CDK14: variants seen among roughly 807,000 people sequenced by gnomAD.
The protein encoded by CDK14 is cyclin dependent kinase 14.
In CDK14, 34 loss-of-function variants were observed where a neutral mutation model predicts 60.7. That is an observed-to-expected ratio of 0.56 (90% CI 0.43 to 0.75). The LOEUF is 0.75. Ranked by LOEUF, CDK14 falls within the 30% of genes least tolerant of loss-of-function variation. The pLI is 0.00. For synonymous variants in CDK14, 197 were observed against 203.7 expected (o/e 0.97, Z 0.28); for missense variants, 482 against 564.1 (o/e 0.85, Z 1.47).
At chr7:91,079,776 G>T (rs1311862848) in intron 12 of CDK14, among the ~76,000 whole-genome samples, 1 of 152,144 alleles carries the variant, frequency 6.6e-6, no homozygotes, top group Non-Finnish European at 1.5e-5. Context: ...TTTTGTATCA[G>T]CAACATAGCA....
intron 8 of CDK14, among the ~76,000 whole-genome samples, chr7:90,923,219 C>G (rs1053671497): frequency 4.6e-5 from 7 of 151,258 alleles, no homozygotes; most frequent in African/African-American, 1.7e-4. Context: ...ACGCCATTCT[C>G]CTGCCTCAGC....
chr7:90,787,348 T>G (rs1805638392), intron 4 of CDK14, among the ~76,000 whole-genome samples: 1 of 148,312 alleles, frequency 6.7e-6, no homozygotes, highest in Non-Finnish European at 1.5e-5. Context: ...ATATAAAAAC[T>G]TAAAGGAAAT....
chr7:90,831,241 G>C (rs750349828), intron 5 of CDK14, among the ~76,000 whole-genome samples: 2 of 152,162 alleles, frequency 1.3e-5, no homozygotes, highest in Admixed American at 1.3e-4. Context: ...GTTCAGCAAG[G>C]GTGGGGAGGC....
intron 5 of CDK14, among the ~76,000 whole-genome samples, chr7:90,799,196 G>A (rs1440537904): frequency 6.6e-6 from 1 of 152,046 alleles, no homozygotes; most frequent in East Asian, 1.9e-4. Context: ...ACTCTAATAG[G>A]GAACAAATTT....
Position 90,689,564 on chromosome 7 carries a change from A to G in CDK14, c.124-37003A>G, listed in dbSNP as rs181853226. Among the ~76,000 whole-genome samples the G allele has an allele frequency of 2.7e-3, 418 of 152,310 alleles. 1 individual carries two copies. Among genetic ancestry groups the G allele is most frequent in the Non-Finnish European group, 4.0e-3 (275 of 68,018 alleles). Reference sequence around the variant, plus strand: ...CTTTGAGGAGAAAAAGACCGAAGGCATTTTTACAATTAGATCTTCTCATAC... The same window carrying G: ...CTTTGAGGAGAAAAAGACCGAAGGCGTTTTTACAATTAGATCTTCTCATAC... On this transcript the variant is annotated intron_variant, in intron 2 of 14. Transcript: ENST00000380050.
intron 11 of CDK14, among the ~76,000 whole-genome samples, chr7:91,075,654 A>G (rs148372214): frequency 1.5e-4 from 23 of 152,318 alleles, no homozygotes; most frequent in African/African-American, 5.1e-4. Flanking sequence ...AGGATATTCA[A>G]ATAGGAAGAG....
chr7:90,763,194 AAT>A (rs1227628458), intron 4 of CDK14, among the ~76,000 whole-genome samples: 1 of 152,202 alleles, frequency 6.6e-6, no homozygotes, highest in Non-Finnish European at 1.5e-5. Flanking sequence ...GAAATGGACA[AAT>A]CCACTATGGT....
chr7:90,764,729 A>G (rs988824173), intron 4 of CDK14, among the ~76,000 whole-genome samples: 8 of 152,202 alleles, frequency 5.3e-5, no homozygotes, highest in Non-Finnish European at 1.0e-4. Flanking sequence ...GTTCTGAGGA[A>G]ACAGACATAA....
At chr7:90,939,490 A>G (rs1049080358) in intron 8 of CDK14, among the ~76,000 whole-genome samples, 6 of 152,224 alleles carry the variant, frequency 3.9e-5, no homozygotes, top group Admixed American at 3.9e-4. Flanking sequence ...CGGGTTGCGG[A>G]CAGTAAGTTC....
chr7:90,854,429 G>A (rs535837231), intron 5 of CDK14, among the ~76,000 whole-genome samples: 57 of 152,264 alleles, frequency 3.7e-4, no homozygotes, highest in African/African-American at 1.3e-3. Context: ...TGTGGTCCCA[G>A]CTGCTCAGGA....
intron 5 of CDK14, among the ~76,000 whole-genome samples, chr7:90,861,386 T>C (rs928403275): frequency 1.3e-5 from 2 of 152,150 alleles, no homozygotes; most frequent in Non-Finnish European, 2.9e-5. Context: ...GCAACAAGCC[T>C]GTGATAGCAA....
intron 5 of CDK14, among the ~76,000 whole-genome samples, chr7:90,824,208 C>G (rs1334527983): frequency 6.6e-6 from 1 of 152,086 alleles, no homozygotes; most frequent in African/African-American, 2.4e-5. Flanking sequence ...ACTTGACTTC[C>G]TGCTTTACAT....
intron 14 of CDK14, among the ~76,000 whole-genome samples, chr7:91,177,780 A>G (rs1336057835): frequency 1.5e-5 from 2 of 137,918 alleles, no homozygotes; most frequent in Non-Finnish European, 3.1e-5. Flanking sequence ...TTCAAGGAGA[A>G]CTACAAACCA....
At chr7:90,733,726 TA>T (rs1802968699) in intron 3 of CDK14, among the ~76,000 whole-genome samples, 1 of 152,214 alleles carries the variant, frequency 6.6e-6, no homozygotes, top group African/African-American at 2.4e-5. Flanking sequence ...TGGGTCTCCT[TA>T]ATACAGCACA....
intron 11 of CDK14, among the ~76,000 whole-genome samples, chr7:91,078,246 C>T (rs766463210): frequency 6.6e-6 from 1 of 152,148 alleles, no homozygotes; most frequent in African/African-American, 2.4e-5. Flanking sequence ...CTTAAAGGTT[C>T]ATCAATGGGA....
chr7:90,645,742 G>T (rs913659764), intron 2 of CDK14, among the ~76,000 whole-genome samples: 1 of 152,114 alleles, frequency 6.6e-6, no homozygotes, highest in African/African-American at 2.4e-5. Context: ...TTTAACTTCT[G>T]TTGCTAAAGC....
At chr7:91,036,345 C>T (rs1796935551) in intron 10 of CDK14, among the ~76,000 whole-genome samples, 1 of 152,188 alleles carries the variant, frequency 6.6e-6, no homozygotes, top group African/African-American at 2.4e-5. Flanking sequence ...CTGCTTGCTT[C>T]CTCAAAGCCA....
chr7:90,733,680 T>C (rs1422212062), intron 3 of CDK14, among the ~76,000 whole-genome samples: 1 of 152,190 alleles, frequency 6.6e-6, no homozygotes, highest in Non-Finnish European at 1.5e-5. Context: ...CCTCCATCCC[T>C]TTATTTTGAG....
chr7:90,922,588 G>C (rs1793285262), intron 8 of CDK14, among the ~76,000 whole-genome samples: 1 of 152,092 alleles, frequency 6.6e-6, no homozygotes, highest in Non-Finnish European at 1.5e-5. Flanking sequence ...TTACTTTAAA[G>C]ATATAGTAAC....
Sources: gnomAD v4.1 joint callset for allele counts (sites outside exome capture counted in the v4.1 genomes callset) on GRCh38, gnomAD v4.1.1 for gene constraint, MANE v1.5 for transcripts, NCBI Gene and HGNC (gene_info 2026-07-23, HGNC 2026-07-21) for gene names.